The following SLC25A23 variants were observed in gnomAD, a reference collection of about 807,000 sequenced individuals.
SLC25A23 encodes the protein mitochondrial adenyl nucleotide antiporter SLC25A23.
Under a neutral mutation model 53.9 loss-of-function variants are expected in SLC25A23, and 32 were observed. The ratio of observed to expected loss-of-function variants is 0.59; its 90% CI spans 0.45 to 0.80. The LOEUF (loss-of-function observed/expected upper bound fraction) is 0.80, where lower values mean the gene tolerates loss of function less well. Among genes scored for constraint, SLC25A23 ranks in the 30% least tolerant of loss-of-function variants. The pLI is 0.00. For missense variants in SLC25A23, 575 were observed against 651.4 expected (o/e 0.88, Z 1.28); for synonymous variants, 275 against 264.5 (o/e 1.04, Z -0.38).
intron 4 of SLC25A23, chr19:6,455,834 T>G (rs1488177258): frequency 5.7e-6 from 2 of 353,324 alleles, no homozygotes; most frequent in African/African-American, 4.3e-5. Context: ...TTCTCCTGCC[T>G]TAGCCTTCCT....
downstream of SLC25A23, chr19:6,436,137 G>A (rs117110766): frequency 9.5e-4 from 198 of 208,190 alleles, 4 homozygotes; most frequent in East Asian, 0.015. Context: ...TTACCCCCCC[G>A]CCAAAGGTTG....
At chr19:6,443,750 C>T (rs562466984) in intron 9 of SLC25A23, 43 of 582,028 alleles carry the variant, frequency 7.4e-5, no homozygotes, top group East Asian at 1.6e-4. Context: ...GTGGAGGGGA[C>T]GGGGGGAAAT....
At chr19:6,438,811 T>C (rs1392667605), downstream of SLC25A23, 1 of 296,962 alleles carries the variant, frequency 3.4e-6, no homozygotes, top group Non-Finnish European at 7.3e-6. Context: ...ATCGAGCCAC[T>C]GTACTCCAGC....
At chr19:6,443,663 T>TA in intron 9 of SLC25A23, 1 of 693,782 alleles carries the variant, frequency 1.4e-6, no homozygotes, top group East Asian at 2.7e-5. Context: ...ACATCTCCAG[T>TA]GAAAATCACA....
chr19:6,457,065 CTTTTTTT>C (rs35460136), intron 3 of SLC25A23, among the ~76,000 whole-genome samples: 6 of 132,086 alleles, frequency 4.5e-5, no homozygotes, highest in South Asian at 2.4e-4. Context: ...ATTTTTCTTT[CTTTTTTT>C]TTTTTTTTTT....
downstream of SLC25A23, chr19:6,438,706 G>A (rs778258317): frequency 4.2e-5 from 10 of 237,598 alleles, no homozygotes; most frequent in South Asian, 1.1e-4. Context: ...AAAATTAGCC[G>A]GGTGTGGTGG....
rs986068591 is a variant in SLC25A23 at position 6,454,073 on chromosome 19, G to A, written c.811C>T (p.Leu271=). The A allele has an allele frequency of 6.2e-7, 1 of 1,613,170 alleles. No individual in the cohort carries two copies. Among genetic ancestry groups the A allele is most frequent in the Non-Finnish European group, 8.5e-7 (1 of 1,179,776 alleles). Residue 271 remains leucine (L), a synonymous_variant, in exon 7 of 10, where the codon CTG becomes TTG. Coordinates refer to ENST00000301454, the MANE Select transcript of SLC25A23 (RefSeq NM_024103.3). The surrounding 1 kb of genome is among the most constrained non-coding windows in gnomAD (Gnocchi z 4.3). ...MAYEQIKRAI[L]GQQETLHVQE... is the part of the protein sequence containing the mutation. ...ACATGCAGTGTCTCCTGCTGCCCCAGGATGGCCCTCTTGATCTGAGGCGGG... is the reference window on the plus strand; with the variant it reads ...ACATGCAGTGTCTCCTGCTGCCCCAAGATGGCCCTCTTGATCTGAGGCGGG...
intron 8 of SLC25A23, among the ~76,000 whole-genome samples, chr19:6,449,744 G>C (rs749655915): frequency 1.3e-4 from 19 of 150,088 alleles, no homozygotes; most frequent in Non-Finnish European, 2.8e-4. Context: ...GTTTTATAGA[G>C]ACTGGTCTCG....
intron 7 of SLC25A23, 40 bp from the exon 8 acceptor site, chr19:6,452,519 C>G (rs1176256594): frequency 6.4e-7 from 1 of 1,573,298 alleles, no homozygotes; most frequent in African/African-American, 1.4e-5. Flanking sequence ...GCTGTCCCAC[C>G]AAATCGCTAC....
rs1458536466 is a variant in SLC25A23 at position 6,459,563 on chromosome 19, G to A, written c.66C>T (p.Asp22=). The A allele has an allele frequency of 1.9e-6, 3 of 1,582,220 alleles. No individual in the cohort carries two copies. Among genetic ancestry groups the A allele is most frequent in the South Asian group, 1.1e-5 (1 of 88,544 alleles). ...CGTCCACGCGGCCATCCTTGTTACTGTCCAGCTCCTCGAACAGGCGACCCC... is the reference window on the plus strand; with the variant it reads ...CGTCCACGCGGCCATCCTTGTTACTATCCAGCTCCTCGAACAGGCGACCCC... ...QRWGRLFEEL[D]SNKDGRVDVH... The change falls in exon 1 of 10, where the codon GAC becomes GAT. Residue 22 remains aspartate, a synonymous_variant. Transcript: ENST00000301454. The surrounding 1 kb of genome is among the most constrained non-coding windows in gnomAD (Gnocchi z 4.6).
Position 6,453,998 on chromosome 19 carries a change from T to C in SLC25A23, c.886A>G (p.Ile296Val), listed in dbSNP as rs572940182. ...GSLAGATAQT[I>V]IYPMEVLKTR... ...CTTCTCACCTCCATAGGGTAAATGA[T>C]GGTTTGGGCTGTGGCACCAGCCAGG... The change falls in exon 7 of 10, where the codon ATC (isoleucine) becomes GTC (valine). Residue 296 changes from isoleucine to valine, a missense_variant. Ile to Val is a conservative substitution (Grantham distance 29, BLOSUM62 3). Coordinates refer to ENST00000301454, the MANE Select transcript of SLC25A23 (RefSeq NM_024103.3). The C allele has an allele frequency of 6.2e-7, 1 of 1,612,984 alleles. No individual in the cohort carries two copies. Among genetic ancestry groups the C allele is most frequent in the African/African-American group, 1.3e-5 (1 of 75,048 alleles).
At chr19:6,451,440 C>A (rs1006765509) in intron 8 of SLC25A23, among the ~76,000 whole-genome samples, 2 of 152,156 alleles carry the variant, frequency 1.3e-5, no homozygotes, top group African/African-American at 2.4e-5. Flanking sequence ...AGTAGCAGAG[C>A]GTTACACCAA....
chr19:6,455,512 C>G (rs1483288314), intron 4 of SLC25A23, among the ~76,000 whole-genome samples: 1 of 152,038 alleles, frequency 6.6e-6, no homozygotes, highest in African/African-American at 2.4e-5. Flanking sequence ...ACCAAGGTCC[C>G]CATGAATCGT....
chr19:6,442,294 C>CTGT, intron 9 of SLC25A23, 135 bp from the exon 10 acceptor site: 1 of 624,322 alleles, frequency 1.6e-6, no homozygotes, highest in Non-Finnish European at 2.8e-6. Context: ...GGACCTACCA[C>CTGT]TCAGAGTCGA....
chr19:6,449,857 CTTTTTTT>C (rs142681286), intron 8 of SLC25A23, among the ~76,000 whole-genome samples: 4 of 127,164 alleles, frequency 3.1e-5, no homozygotes, highest in South Asian at 2.3e-4. Flanking sequence ...ACTCACAACT[CTTTTTTT>C]TTTTTTTTTT....
chr19:6,438,990 G>A (rs769017783), downstream of SLC25A23, among the ~76,000 whole-genome samples: 24 of 152,104 alleles, frequency 1.6e-4, no homozygotes, highest in Non-Finnish European at 2.5e-4. Flanking sequence ...GCAGTGAGCC[G>A]AGATCGTGTC....
rs1048923922 is a variant in SLC25A23 at position 6,459,703 on chromosome 19, C to G, written c.-75G>C. The G allele has an allele frequency of 1.1e-4, 132 of 1,198,230 alleles. 1 individual carries two copies. In the East Asian group the frequency reaches 3.1e-3, roughly 28 times the overall value. 74.2% of individuals were successfully genotyped at this position (1,198,230 alleles called of 1,614,324 possible). A position where few individuals can be genotyped will look rare whatever the true frequency, so the allele number is the denominator to read the frequency against. The stretch of plus-strand genomic sequence containing the variant: ...GGGCTTCGCGGCTCCCCCTCCCCCC[C>G]CGGGACCCCGCAGGGTCAGCTCCCG... On this transcript the variant is annotated 5_prime_UTR_variant, in exon 1 of 10. Coordinates refer to ENST00000301454, the MANE Select transcript of SLC25A23 (RefSeq NM_024103.3). The surrounding 1 kb of genome is among the most constrained non-coding windows in gnomAD (Gnocchi z 4.6).
intron 9 of SLC25A23, chr19:6,443,461 CA>C (rs145180922): frequency 0.089 from 53,226 of 594,712 alleles, 3,350 homozygotes; most frequent in East Asian, 0.26. Flanking sequence ...CTCCTGGACT[CA>C]AATGATCCTT....
At chr19:6,442,246 T>C (rs2092433515) in intron 9 of SLC25A23, 87 bp from the exon 10 acceptor site, 4 of 902,784 alleles carry the variant, frequency 4.4e-6, no homozygotes, top group South Asian at 1.7e-5. Context: ...CCAGGTGGTG[T>C]CATTGCAGCA....
Sources: allele counts gnomAD v4.1 joint callset (sites outside exome capture counted in the v4.1 genomes callset), GRCh38; gene constraint gnomAD v4.1.1; non-coding constraint Gnocchi (gnomAD v3.1); transcripts MANE v1.5; gene names NCBI Gene and HGNC (gene_info 2026-07-23, HGNC 2026-07-21).